Variants in RIMOC1 observed in about 807,000 individuals in gnomAD.
The protein encoded by RIMOC1 is RAB7A interacting MON1-CCZ1 complex subunit 1, also known as RAB7A-interacting MON1-CCZ1 complex subunit 1.
chr5:41,916,780 ATTCTCTGG>A, the RIMOC1 span, among the ~76,000 whole-genome samples: 1 of 152,178 alleles, frequency 6.6e-6, no homozygotes, highest in African/African-American at 2.4e-5. Flanking sequence ...CTCTAAAAAA[ATTCTCTGG>A]TACTCTGTTT....
At chr5:41,911,086 C>G in the RIMOC1 span, 5 of 1,610,134 alleles carry the variant, frequency 3.1e-6, no homozygotes, top group African/African-American at 1.3e-5. Context: ...TGGAATGTCT[C>G]TCTTGGAGAC....
the RIMOC1 span, chr5:41,907,740 CT>C: frequency 6.3e-7 from 1 of 1,597,968 alleles, no homozygotes; most frequent in South Asian, 1.1e-5. Flanking sequence ...TTATAGATCA[CT>C]TTTTAATTCG....
At chr5:41,919,808 T>C in the RIMOC1 span, 1 of 152,200 alleles carries the variant, frequency 6.6e-6, no homozygotes, top group Non-Finnish European at 1.5e-5. Context: ...TGCTCCTTTG[T>C]TCTGGTCCTT....
the RIMOC1 span, chr5:41,909,891 A>G: frequency 6.4e-7 from 1 of 1,571,404 alleles, no homozygotes; most frequent in Non-Finnish European, 8.7e-7. Context: ...ATGCATCCAA[A>G]AGTAAGTTTT....
chr5:41,909,489 G>A, the RIMOC1 span, among the ~76,000 whole-genome samples: 6 of 151,930 alleles, frequency 3.9e-5, no homozygotes, highest in African/African-American at 1.4e-4. Flanking sequence ...TTAAAACAAA[G>A]CTCTATTTTC....
At chr5:41,912,303 A>G in the RIMOC1 span, 1 of 630,292 alleles carries the variant, frequency 1.6e-6, no homozygotes, top group Non-Finnish European at 2.8e-6. Flanking sequence ...CAAAAAAGTA[A>G]TAAGTAATAA....
At chr5:41,921,475 T>C in the RIMOC1 span, 1 of 151,918 alleles carries the variant, frequency 6.6e-6, no homozygotes, top group Admixed American at 6.6e-5. Flanking sequence ...GATACCATGT[T>C]ACAGCGGTAT....
chr5:41,904,567 G>C, the RIMOC1 span: 1 of 1,168,058 alleles, frequency 8.6e-7, no homozygotes, highest in Non-Finnish European at 1.2e-6. Flanking sequence ...GTGTTCCTTT[G>C]GGTCCCAGGC....
the RIMOC1 span, chr5:41,919,549 T>G: frequency 1.3e-5 from 2 of 152,190 alleles, no homozygotes; most frequent in Non-Finnish European, 1.5e-5. Context: ...GTATAAAGAT[T>G]TAAATTATTT....
the RIMOC1 span, among the ~76,000 whole-genome samples, chr5:41,908,968 A>C: frequency 6.6e-6 from 1 of 152,184 alleles, no homozygotes; most frequent in South Asian, 2.1e-4. Context: ...ACTGGGTGCT[A>C]GGTAACGTTT....
At chr5:41,913,088 C>T in the RIMOC1 span, among the ~76,000 whole-genome samples, 1 of 152,146 alleles carries the variant, frequency 6.6e-6, no homozygotes, top group Non-Finnish European at 1.5e-5. Context: ...CTTTTATTCT[C>T]AGTATCCCAA....
At chr5:41,914,456 C>CAAACAAAACAAAACA in the RIMOC1 span, among the ~76,000 whole-genome samples, 110 of 146,606 alleles carry the variant, frequency 7.5e-4, no homozygotes, top group Admixed American at 2.8e-3. Flanking sequence ...GACTCTGTCT[C>CAAACAAAACAAAACA]AAACAAAACA....
chr5:41,918,605 G>T, the RIMOC1 span: 1 of 985,344 alleles, frequency 1.0e-6, no homozygotes, highest in Admixed American at 6.1e-5. Context: ...GTGATGGGTA[G>T]TCCTTCAAAG....
chr5:41,909,348 T>C, the RIMOC1 span, among the ~76,000 whole-genome samples: 1 of 152,164 alleles, frequency 6.6e-6, no homozygotes, highest in Non-Finnish European at 1.5e-5. Context: ...ACAAATCCTT[T>C]GAAGGTTCAA....
chr5:41,904,571 C>A, the RIMOC1 span: 1 of 1,114,940 alleles, frequency 9.0e-7, no homozygotes. Flanking sequence ...TCCTTTGGGT[C>A]CCAGGCCGCA....
the RIMOC1 span, chr5:41,918,466 G>A: frequency 2.0e-6 from 2 of 985,118 alleles, no homozygotes; most frequent in Admixed American, 1.2e-4. Flanking sequence ...CAGCTTTATG[G>A]GATACTATAT....
the RIMOC1 span, chr5:41,920,072 C>T: frequency 6.6e-6 from 1 of 152,064 alleles, no homozygotes; most frequent in Non-Finnish European, 1.5e-5. Flanking sequence ...GGATATATGC[C>T]ATCCTGAGAG....
chr5:41,915,637 A>G, the RIMOC1 span, among the ~76,000 whole-genome samples: 1 of 152,148 alleles, frequency 6.6e-6, no homozygotes, highest in African/African-American at 2.4e-5. Flanking sequence ...AGAAGGAGAG[A>G]GAAGTGAAAG....
chr5:41,907,252 T>C, the RIMOC1 span, among the ~76,000 whole-genome samples: 1 of 152,236 alleles, frequency 6.6e-6, no homozygotes, highest in Non-Finnish European at 1.5e-5. Context: ...TAAACAATTA[T>C]AAAATTGCTC....
Sources: gnomAD v4.1 joint callset for allele counts (sites outside exome capture counted in the v4.1 genomes callset) on GRCh38, gnomAD v4.1.1 for gene constraint, MANE v1.5 for transcripts, NCBI Gene and HGNC (gene_info 2026-07-23, HGNC 2026-07-21) for gene names.